Variants in GALNTL6 observed in about 807,000 individuals in gnomAD.
GALNTL6 encodes the protein polypeptide N-acetylgalactosaminyltransferase like 6.
In GALNTL6, 46 loss-of-function variants were observed where a neutral mutation model predicts 73.7. The ratio of observed to expected loss-of-function variants is 0.62; its 90% CI spans 0.49 to 0.80. GALNTL6 has a LOEUF of 0.80. GALNTL6 is among the 30% of genes least tolerant of loss of function. The pLI, the probability that GALNTL6 is intolerant of heterozygous loss-of-function variation, is 0.00. For missense variants in GALNTL6, 604 were observed against 755.0 expected (o/e 0.80, Z 2.34); for synonymous variants, 259 against 263.7 (o/e 0.98, Z 0.17).
chr4:172,603,830 A>G (rs915841731), intron 5 of GALNTL6, among the ~76,000 whole-genome samples: 3 of 152,188 alleles, frequency 2.0e-5, no homozygotes, highest in African/African-American at 7.2e-5. Flanking sequence ...AGCACACACT[A>G]TGGTGACTTA....
chr4:171,928,020 A>T (rs1371152935), intron 2 of GALNTL6, among the ~76,000 whole-genome samples: 4 of 152,206 alleles, frequency 2.6e-5, no homozygotes, highest in Non-Finnish European at 5.9e-5. Flanking sequence ...AGTATTAAAA[A>T]ATGACTCAGT....
intron 12 of GALNTL6, among the ~76,000 whole-genome samples, chr4:173,030,491 A>G (rs1753411030): frequency 6.6e-6 from 1 of 152,192 alleles, no homozygotes; most frequent in Non-Finnish European, 1.5e-5. Flanking sequence ...CGTAAAGAGA[A>G]AGTCTTTGTG....
chr4:172,478,758 G>GA (rs1321109301), intron 5 of GALNTL6, among the ~76,000 whole-genome samples: 1 of 152,056 alleles, frequency 6.6e-6, no homozygotes, highest in Non-Finnish European at 1.5e-5. Context: ...CTATACTTCT[G>GA]AAAAAAGACT....
At chr4:171,891,439 TG>T (rs943379265) in intron 2 of GALNTL6, among the ~76,000 whole-genome samples, 1 of 152,180 alleles carries the variant, frequency 6.6e-6, no homozygotes, top group African/African-American at 2.4e-5. Context: ...TAAAATTATT[TG>T]TATGTTGTTG....
intron 5 of GALNTL6, among the ~76,000 whole-genome samples, chr4:172,565,509 AT>A: frequency 6.6e-6 from 1 of 152,082 alleles, no homozygotes; most frequent in East Asian, 1.9e-4. Flanking sequence ...ATTTGCTAGT[AT>A]TTTGTTGAGG....
intron 5 of GALNTL6, among the ~76,000 whole-genome samples, chr4:172,430,619 A>T (rs1731411085): frequency 6.6e-6 from 1 of 152,046 alleles, no homozygotes; most frequent in African/African-American, 2.4e-5. Context: ...ACATAATGAG[A>T]TCGTATCTCT....
chr4:172,837,857 T>A (rs559990758), intron 7 of GALNTL6, among the ~76,000 whole-genome samples: 41 of 152,324 alleles, frequency 2.7e-4, no homozygotes, highest in Admixed American at 2.4e-3. Flanking sequence ...TACTAACTCA[T>A]AATAATAAAA....
intron 5 of GALNTL6, among the ~76,000 whole-genome samples, chr4:172,655,415 C>G (rs1438995333): frequency 1.3e-5 from 2 of 152,172 alleles, no homozygotes; most frequent in African/African-American, 4.8e-5. Context: ...TTATTTAGGT[C>G]CTACTATTCA....
At chr4:172,428,421 G>A (rs1731306559) in intron 5 of GALNTL6, among the ~76,000 whole-genome samples, 1 of 152,110 alleles carries the variant, frequency 6.6e-6, no homozygotes, top group Non-Finnish European at 1.5e-5. Context: ...TAAATTGGGA[G>A]ATTAAAATGT....
At chr4:172,341,441 A>C in intron 4 of GALNTL6, among the ~76,000 whole-genome samples, 1 of 103,004 alleles carries the variant, frequency 9.7e-6, no homozygotes, top group Non-Finnish European at 2.0e-5. Context: ...ACAGAGCGAG[A>C]CTCCGTCTCA....
intron 5 of GALNTL6, among the ~76,000 whole-genome samples, chr4:172,447,287 T>A (rs1158415641): frequency 6.6e-6 from 1 of 152,160 alleles, no homozygotes; most frequent in African/African-American, 2.4e-5. Context: ...AGTTATTGCT[T>A]TATGTATCAG....
At chr4:172,884,472 A>G (rs1279751971) in intron 8 of GALNTL6, among the ~76,000 whole-genome samples, 1 of 152,122 alleles carries the variant, frequency 6.6e-6, no homozygotes, top group African/African-American at 2.4e-5. Flanking sequence ...GAATTATTTG[A>G]AGGATTTTAC....
intron 3 of GALNTL6, among the ~76,000 whole-genome samples, chr4:172,259,668 A>G (rs1738191178): frequency 6.6e-6 from 1 of 151,546 alleles, no homozygotes; most frequent in African/African-American, 2.4e-5. Context: ...ATTCTTGGTC[A>G]TGAACTCTTT....
chr4:172,380,219 A>G (rs1356979362), intron 5 of GALNTL6: 2 of 972,678 alleles, frequency 2.1e-6, no homozygotes, highest in Non-Finnish European at 3.3e-6. Context: ...ACCTTTCAAA[A>G]TATCTTAACG....
At chr4:172,645,835 G>A (rs1459084123) in intron 5 of GALNTL6, among the ~76,000 whole-genome samples, 1 of 151,904 alleles carries the variant, frequency 6.6e-6, no homozygotes, top group Non-Finnish European at 1.5e-5. Flanking sequence ...CACCAGGGTT[G>A]GGGCAGGGAG....
intron 9 of GALNTL6, among the ~76,000 whole-genome samples, chr4:172,946,517 CT>C (rs1749175884): frequency 6.6e-6 from 1 of 152,118 alleles, no homozygotes; most frequent in African/African-American, 2.4e-5. Flanking sequence ...GAAATCTGTT[CT>C]TATAAACTGA....
intron 5 of GALNTL6, among the ~76,000 whole-genome samples, chr4:172,614,598 TTGA>T (rs1169743146): frequency 6.6e-6 from 1 of 152,196 alleles, no homozygotes; most frequent in Admixed American, 6.5e-5. Context: ...AAAGGATAAT[TTGA>T]TGATAACTTA....
chr4:171,877,897 C>T (rs1250562891), intron 2 of GALNTL6, among the ~76,000 whole-genome samples: 4 of 152,128 alleles, frequency 2.6e-5, no homozygotes, highest in African/African-American at 9.7e-5. Flanking sequence ...CATTGTAAGA[C>T]AAGATAAACA....
intron 5 of GALNTL6, among the ~76,000 whole-genome samples, chr4:172,590,934 C>G (rs922742109): frequency 9.2e-5 from 14 of 152,024 alleles, no homozygotes; most frequent in African/African-American, 3.4e-4. Context: ...TCGTGAAATG[C>G]TTCATAAATT....
Sources: gnomAD v4.1 joint callset for allele counts (sites outside exome capture counted in the v4.1 genomes callset) on GRCh38, gnomAD v4.1.1 for gene constraint, MANE v1.5 for transcripts, NCBI Gene and HGNC (gene_info 2026-07-23, HGNC 2026-07-21) for gene names.